ANO4: variants seen among roughly 807,000 people sequenced by gnomAD.
The protein encoded by ANO4 is anoctamin-4.
Under a neutral mutation model 141.9 loss-of-function variants are expected in ANO4, and 69 were observed. The ratio of observed to expected loss-of-function variants is 0.49; its 90% CI spans 0.40 to 0.59. ANO4 has a LOEUF of 0.59. Among genes scored for constraint, ANO4 ranks in the 20% least tolerant of loss-of-function variants. The pLI, the probability that ANO4 is intolerant of heterozygous loss-of-function variation, is 0.00. For synonymous variants in ANO4, 350 were observed against 394.3 expected (o/e 0.89, Z 1.33); for missense variants, 894 against 1,162.2 (o/e 0.77, Z 3.36).
intron 1 of ANO4, among the ~76,000 whole-genome samples, chr12:100,847,442 T>A (rs1481409044): frequency 2.0e-5 from 3 of 151,852 alleles, no homozygotes; most frequent in Non-Finnish European, 4.4e-5. Context: ...TGTAATTATG[T>A]CTTGCAAAAC....
intron 5 of ANO4, among the ~76,000 whole-genome samples, chr12:100,949,621 A>G (rs1030293725): frequency 6.6e-6 from 1 of 152,164 alleles, no homozygotes; most frequent in Non-Finnish European, 1.5e-5. Context: ...TTTAAGAAAA[A>G]TTTTCATCCA....
At chr12:100,908,241 C>T (rs916769522) in intron 2 of ANO4, among the ~76,000 whole-genome samples, 1 of 152,118 alleles carries the variant, frequency 6.6e-6, no homozygotes, top group Non-Finnish European at 1.5e-5. Context: ...CCCAGCTACT[C>T]AGGAGGCTGA....
At chr12:101,033,985 ACAATAGATG>A (rs1371458067) in intron 9 of ANO4, among the ~76,000 whole-genome samples, 1 of 152,212 alleles carries the variant, frequency 6.6e-6, no homozygotes, top group African/African-American at 2.4e-5. Context: ...AAGTCAAGAA[ACAATAGATG>A]CTGGTGAGGC....
chr12:100,987,572 G>T lies in ANO4; in HGVS notation c.636G>T (p.Trp212Cys). 1 of 1,614,036 alleles carries T rather than the reference G, an allele frequency of 6.2e-7. No individual in the cohort carries two copies. Among genetic ancestry groups the T allele is most frequent in the Non-Finnish European group, 8.5e-7 (1 of 1,179,970 alleles). ...AACAAATAAGCAGGTTTCGGAGATG[G>T]TTACCTAAGAAGCCAATGAGGCTGG... ...IDKQISRFRRWLPKKPMRLDK... is the reference protein window; with the variant it reads ...IDKQISRFRRCLPKKPMRLDK... The change falls in exon 8 of 28, where the codon TGG becomes TGT. Residue 212 changes from tryptophan (W) to cysteine (C), a missense_variant. Around this residue, in one of 2 missense-constraint regions of ANO4, gnomAD observed 257 missense variants for 253.0 expected, o/e 1.02. Transcript: ENST00000392977.
chr12:100,937,698 A>G (rs1253838100), intron 3 of ANO4, among the ~76,000 whole-genome samples: 1 of 152,136 alleles, frequency 6.6e-6, no homozygotes, highest in Non-Finnish European at 1.5e-5. Context: ...ATTATCTTAT[A>G]CTTCTGGAGG....
In ANO4 at chr12:101,127,954, A is replaced by G. The variant is rs823561; in HGVS notation, c.*98A>G. 1 of 152,622 alleles carries G rather than the reference A, an allele frequency of 6.6e-6. No individual in the cohort carries two copies. Among genetic ancestry groups the G allele is most frequent in the African/African-American group, 2.4e-5 (1 of 41,446 alleles). The allele number at this position is 152,622 out of a possible 1,614,324, so 9.5% of individuals were successfully genotyped here. On this transcript the variant is annotated 3_prime_UTR_variant, in exon 28 of 28. Coordinates refer to ENST00000392977, the MANE Select transcript of ANO4 (RefSeq NM_001286615.2). Reference sequence around the variant, plus strand: ...CAAGTGAATGACTAAAAATGCAACCACAGTGCATGTTGCAGATACCGGCGG... The same window carrying G: ...CAAGTGAATGACTAAAAATGCAACCGCAGTGCATGTTGCAGATACCGGCGG...
At chr12:100,815,192 A>G (rs1030129518) in intron 1 of ANO4, among the ~76,000 whole-genome samples, 2 of 152,118 alleles carry the variant, frequency 1.3e-5, no homozygotes, top group Non-Finnish European at 2.9e-5. Context: ...ACCATTTGCC[A>G]TTTGACCATC....
intron 5 of ANO4, among the ~76,000 whole-genome samples, chr12:100,952,549 G>T (rs1202869146): frequency 6.6e-6 from 1 of 152,148 alleles, no homozygotes; most frequent in Non-Finnish European, 1.5e-5. Context: ...TCTGGGGAAA[G>T]CTGAGGGGAC....
intron 3 of ANO4, among the ~76,000 whole-genome samples, chr12:100,780,486 G>A (rs1565871467): frequency 6.6e-6 from 1 of 152,142 alleles, no homozygotes; most frequent in Admixed American, 6.5e-5. Context: ...TTTCTGGTCT[G>A]GGAAAGGATT....
At chr12:101,099,416 G>C (rs1211417060) in intron 21 of ANO4, among the ~76,000 whole-genome samples, 162 bp from the exon 22 acceptor site, 1 of 152,130 alleles carries the variant, frequency 6.6e-6, no homozygotes, top group African/African-American at 2.4e-5. Flanking sequence ...TTGAAGTATA[G>C]ACTCCATTGT....
chr12:100,766,104 A>G (rs550862461), intron 3 of ANO4, among the ~76,000 whole-genome samples: 1 of 152,220 alleles, frequency 6.6e-6, no homozygotes, highest in African/African-American at 2.4e-5. Flanking sequence ...TCTACATATA[A>G]GTAAGATCAT....
intron 3 of ANO4, among the ~76,000 whole-genome samples, chr12:100,932,717 C>T (rs1247608780): frequency 6.6e-6 from 1 of 152,108 alleles, no homozygotes; most frequent in East Asian, 1.9e-4. Context: ...GCCTGCTGGT[C>T]CTCTCCTGAC....
At chr12:100,776,738 A>G (rs1242433301) in intron 3 of ANO4, among the ~76,000 whole-genome samples, 4 of 152,120 alleles carry the variant, frequency 2.6e-5, no homozygotes, top group African/African-American at 9.7e-5. Flanking sequence ...GCCTTAATTT[A>G]TTTTGTAAAT....
rs570704835 is a variant in ANO4 at position 100,973,745 on chromosome 12, C to T, written c.558-1100C>T. On this transcript the variant is annotated intron_variant, in intron 6 of 27. Coordinates refer to ENST00000392977, the MANE Select transcript of ANO4 (RefSeq NM_001286615.2). ...AGTCCATAGTTTACTCTAGGGTTGA[C>T]TCTGTGTGTGTGGTTCTGTGGGTTT... Among the ~76,000 whole-genome samples the T allele has an allele frequency of 2.3e-4, 35 of 152,292 alleles. No homozygotes were observed. In the South Asian group the frequency reaches 6.8e-3, roughly 30 times the overall value.
chr12:100,732,133 G>A (rs2031404685), intron 1 of ANO4, among the ~76,000 whole-genome samples: 1 of 152,194 alleles, frequency 6.6e-6, no homozygotes, highest in Admixed American at 6.5e-5. Context: ...GGATGGTATG[G>A]TAAGAGTATG....
At chr12:101,041,188 C>T (rs1336811484) in intron 11 of ANO4, among the ~76,000 whole-genome samples, 2 of 152,112 alleles carry the variant, frequency 1.3e-5, no homozygotes, top group Non-Finnish European at 2.9e-5. Context: ...ATACCAGGGC[C>T]ATAAAATAAA....
intron 1 of ANO4, among the ~76,000 whole-genome samples, chr12:100,725,644 C>G (rs957404921): frequency 3.3e-5 from 5 of 152,132 alleles, no homozygotes; most frequent in African/African-American, 4.8e-5. Flanking sequence ...CCACACCCGG[C>G]CGGAAATTGC....
intron 3 of ANO4, among the ~76,000 whole-genome samples, chr12:100,774,086 A>G (rs1367093933): frequency 6.6e-6 from 1 of 152,178 alleles, no homozygotes; most frequent in East Asian, 1.9e-4. Flanking sequence ...TTTTATATAA[A>G]AAGTTTGCCA....
chr12:101,007,512 A>T (rs1592995799), intron 8 of ANO4, among the ~76,000 whole-genome samples: 1 of 152,222 alleles, frequency 6.6e-6, no homozygotes, highest in Non-Finnish European at 1.5e-5. Context: ...CATTTGAAAG[A>T]TAAGAATTCT....
Sources: gnomAD v4.1 joint callset for allele counts (sites outside exome capture counted in the v4.1 genomes callset) on GRCh38, gnomAD v4.1.1 for gene constraint, gnomAD v4.1.1 regional missense constraint, MANE v1.5 for transcripts, NCBI Gene and HGNC (gene_info 2026-07-23, HGNC 2026-07-21) for gene names.